Variants in IFI16 observed in about 807,000 individuals in gnomAD.
IFI16 encodes the protein interferon gamma inducible protein 16, also known as gamma-interferon-inducible protein 16.
A neutral mutation model predicts 68.4 loss-of-function variants in IFI16; 49 were observed. That is an observed-to-expected ratio of 0.72 (90% CI 0.57 to 0.91). IFI16 has a LOEUF of 0.91. IFI16 is among the 40% of genes least tolerant of loss of function. The pLI, the probability that IFI16 is intolerant of heterozygous loss-of-function variation, is 0.00. For synonymous variants in IFI16, 307 were observed against 315.0 expected (o/e 0.97, Z 0.27); for missense variants, 878 against 942.9 (o/e 0.93, Z 0.90).
intron 7 of IFI16, among the ~76,000 whole-genome samples, chr1:159,033,154 C>T (rs918229453): frequency 2.0e-5 from 3 of 152,146 alleles, no homozygotes; most frequent in African/African-American, 7.2e-5. Context: ...TATGTCATCA[C>T]TGGTGAGAAT....
rs2101873446 is a variant in IFI16 at position 159,032,549 on chromosome 1, A to G, written c.1187A>G (p.Asn396Ser). ...ATAAAGAAAAAAACAAACCCGAGAAACAATGACCCCAAGAGCATGAAGCTA... is the reference window on the plus strand; with the variant it reads ...ATAAAGAAAAAAACAAACCCGAGAAGCAATGACCCCAAGAGCATGAAGCTA... ...IQIKKKTNPR[N>S]NDPKSMKLPQ... The change falls in exon 7 of 12, where the codon AAC (asparagine) becomes AGC (serine). Residue 396 changes from asparagine to serine, a missense_variant. This residue lies in a region of IFI16 where 443 missense variants were observed against 421.8 expected (regional missense o/e 1.05). Coordinates refer to ENST00000295809, the MANE Select transcript of IFI16 (RefSeq NM_001376587.1). 1.3e-6 allele frequency: 2 copies of G among 1,587,498 alleles called. No individual in the cohort carries two copies. The highest frequency in any genetic ancestry group is 1.2e-5 in the South Asian group (1 of 86,660).
In IFI16 at chr1:159,009,950, G is replaced by A. The variant is rs1652441902; in HGVS notation, c.-232G>A. On this transcript the variant is annotated 5_prime_UTR_variant, in exon 1 of 12. Coordinates refer to ENST00000295809, the MANE Select transcript of IFI16 (RefSeq NM_001376587.1). ...GCAGAATAGGAGCAAGCCAGCACTA[G>A]TCAGCTAACTAAGTGACTCAACCAA... is the stretch of plus-strand genomic sequence containing the variant. 1 of 152,274 alleles carries A rather than the reference G, an allele frequency of 6.6e-6. No homozygotes were observed. Among genetic ancestry groups the A allele is most frequent in the Admixed American group, 6.5e-5 (1 of 15,300 alleles). The allele number at this position is 152,274 out of a possible 1,614,324, so 9.4% of individuals were successfully genotyped here. A position where few individuals can be genotyped will look rare whatever the true frequency, so the allele number is the denominator to read the frequency against.
chr1:159,021,781 G>T (rs1411970415), intron 6 of IFI16, among the ~76,000 whole-genome samples: 6 of 151,962 alleles, frequency 3.9e-5, no homozygotes, highest in Non-Finnish European at 8.8e-5. Context: ...AAAATTTTTT[G>T]ATTATGGCCA....
upstream of IFI16, chr1:159,009,148 G>A (rs902246299): frequency 6.6e-6 from 1 of 152,188 alleles, no homozygotes; most frequent in African/African-American, 2.4e-5. Context: ...ATGCTGTCAT[G>A]TTGAGAGTCC....
chr1:159,010,700 T>G (rs1652495580), intron 1 of IFI16, among the ~76,000 whole-genome samples: 1 of 152,162 alleles, frequency 6.6e-6, no homozygotes, highest in African/African-American at 2.4e-5. Context: ...TGTCTTAATA[T>G]TTTCATAAGT....
intron 4 of IFI16, among the ~76,000 whole-genome samples, chr1:159,017,400 A>G (rs1183265043): frequency 6.6e-6 from 1 of 152,148 alleles, no homozygotes; most frequent in East Asian, 1.9e-4. Context: ...TGCCCTGTCT[A>G]CACTGGTGAT....
At chr1:159,007,644 T>A (rs1458921558), upstream of IFI16, among the ~76,000 whole-genome samples, 1 of 152,196 alleles carries the variant, frequency 6.6e-6, no homozygotes, top group East Asian at 1.9e-4. Flanking sequence ...TGGTGGGTAG[T>A]TTATGAGGGT....
chr1:159,052,853 T>C (rs1655448050), intron 10 of IFI16: 1 of 152,228 alleles, frequency 6.6e-6, no homozygotes, highest in Non-Finnish European at 1.5e-5. Context: ...CTGATTTAAC[T>C]TCTTGTTTGA....
At chr1:159,050,990 A>G (rs1305673252) in intron 9 of IFI16, among the ~76,000 whole-genome samples, 3 of 152,194 alleles carry the variant, frequency 2.0e-5, no homozygotes, top group Non-Finnish European at 4.4e-5. Context: ...ATCTCATGAA[A>G]TCTAAGGTTT....
At chr1:159,015,773 TG>T (rs769699596) in intron 2 of IFI16, 98 bp from the exon 3 acceptor site, 114 of 860,954 alleles carry the variant, frequency 1.3e-4, no homozygotes, top group Non-Finnish European at 7.2e-5. Flanking sequence ...AAGCAGGAAC[TG>T]AGAGCAAATT....
intron 6 of IFI16, among the ~76,000 whole-genome samples, chr1:159,029,724 A>T (rs1372617345): frequency 1.4e-5 from 2 of 143,630 alleles, no homozygotes; most frequent in Non-Finnish European, 3.0e-5. Context: ...CTTGTTGCCC[A>T]GGCTGGAGTG....
intron 9 of IFI16, among the ~76,000 whole-genome samples, chr1:159,051,078 A>G (rs902296279): frequency 6.6e-6 from 1 of 152,012 alleles, no homozygotes; most frequent in African/African-American, 2.4e-5. Flanking sequence ...GGTCACTGTC[A>G]TATTAGGCAG....
chr1:159,033,881 G>A (rs1373228410), intron 7 of IFI16, among the ~76,000 whole-genome samples: 4 of 152,122 alleles, frequency 2.6e-5, no homozygotes, highest in Non-Finnish European at 4.4e-5. Context: ...CTCTAACAGA[G>A]TGCATTTTCT....
chr1:159,038,943 G>A (rs1046359898), intron 7 of IFI16, among the ~76,000 whole-genome samples: 2 of 152,142 alleles, frequency 1.3e-5, no homozygotes, highest in African/African-American at 4.8e-5. Flanking sequence ...CAGCCAACAC[G>A]TGAGTTTCCT....
At chr1:159,044,527 A>G (rs1248868987) in intron 7 of IFI16, among the ~76,000 whole-genome samples, 1 of 152,178 alleles carries the variant, frequency 6.6e-6, no homozygotes, top group Non-Finnish European at 1.5e-5. Flanking sequence ...TGCCACTTAA[A>G]AAATTAGGTT....
At chr1:159,011,557 ATATACTAAT>A (rs1248433625) in intron 1 of IFI16, among the ~76,000 whole-genome samples, 2 of 151,990 alleles carry the variant, frequency 1.3e-5, no homozygotes. Flanking sequence ...GAAGAGAAAT[ATATACTAAT>A]TATAGTACCA....
chr1:159,024,882 A>C (rs1653553320), intron 6 of IFI16, among the ~76,000 whole-genome samples: 1 of 152,168 alleles, frequency 6.6e-6, no homozygotes. Flanking sequence ...CCATAATTCT[A>C]ACGAAGAAGA....
chr1:159,018,133 G>A, intron 4 of IFI16, 96 bp from the exon 5 acceptor site: 2 of 1,023,144 alleles, frequency 2.0e-6, no homozygotes, highest in African/African-American at 1.6e-5. Flanking sequence ...ATCTGTGCAA[G>A]TTTTGGGGCC....
In IFI16 at chr1:159,017,521, G is replaced by A. The variant is rs757019834; in HGVS notation, c.550-708G>A. Among the ~76,000 whole-genome samples, 5 of 149,956 alleles carry A rather than the reference G, an allele frequency of 3.3e-5. No individual in the cohort carries two copies. The Middle Eastern group carries it at 0.01, about 306-fold the overall frequency. On this transcript the variant is annotated intron_variant, in intron 4 of 11. Transcript: ENST00000295809. ...ATCATTTTAAATGTCATTTAACTTT[G>A]TCTATTTTTAGGCTCTGGCACTTTA... is the stretch of plus-strand genomic sequence containing the variant.
Sources: gnomAD v4.1 joint callset for allele counts (sites outside exome capture counted in the v4.1 genomes callset) on GRCh38, gnomAD v4.1.1 for gene constraint, gnomAD v4.1.1 regional missense constraint, MANE v1.5 for transcripts, NCBI Gene and HGNC (gene_info 2026-07-23, HGNC 2026-07-21) for gene names.